PLA2G12B: variants seen among roughly 807,000 people sequenced by gnomAD.
The protein encoded by PLA2G12B is phospholipase A2 group XIIB.
A neutral mutation model predicts 22.3 loss-of-function variants in PLA2G12B; 19 were observed. That is an observed-to-expected ratio of 0.85 (90% CI 0.60 to 1.25). The LOEUF (loss-of-function observed/expected upper bound fraction) is 1.25. Ranked by LOEUF, PLA2G12B falls within the 50% of genes most tolerant of loss-of-function variation. PLA2G12B has a pLI of 0.00. For synonymous variants in PLA2G12B, 81 were observed against 94.9 expected (o/e 0.85, Z 0.85); for missense variants, 191 against 246.6 (o/e 0.77, Z 1.51).
chr10:72,952,277 G>C (rs1236074531), intron 1 of PLA2G12B, among the ~76,000 whole-genome samples: 1 of 152,218 alleles, frequency 6.6e-6, no homozygotes, highest in Non-Finnish European at 1.5e-5. Flanking sequence ...AGGATTGCTT[G>C]AGCCCTGGAG....
rs756795081 is a variant in PLA2G12B, at chr10:72,935,006, C to T, written c.*611G>A. On this transcript the variant is annotated 3_prime_UTR_variant, in exon 4 of 4. Transcript: ENST00000373032. ...CAGAGACCTAATTCCATCTGACCTTCCCCTCCGTTGGCCTTAATCAGGTAA... is the reference window on the plus strand; with the variant it reads ...CAGAGACCTAATTCCATCTGACCTTTCCCTCCGTTGGCCTTAATCAGGTAA... 6.6e-6 allele frequency among the ~76,000 whole-genome samples: 1 copy of T among 152,186 alleles called. No individual in the cohort carries two copies. The highest frequency in any genetic ancestry group is 2.1e-4 in the South Asian group (1 of 4,832).
chr10:72,954,566 C>T lies in PLA2G12B; in HGVS notation c.120G>A (p.Arg40=), dbSNP rs1448221291. The change falls in exon 1 of 4, where the codon CGG becomes CGA. Residue 40 remains arginine, a synonymous_variant. Coordinates refer to ENST00000373032, the MANE Select transcript of PLA2G12B (RefSeq NM_032562.5). ...SYSDWGLRHL[R]GSFESVNSYF... ...AGCTATTGACGGATTCAAAGCTTCC[C>T]CGGAGGTGCCGAAGGCCCCAGTCTG... The T allele has an allele frequency of 1.9e-6, 3 of 1,614,208 alleles. No homozygotes were observed. Among genetic ancestry groups the T allele is most frequent in the Middle Eastern group, 1.6e-4 (1 of 6,062 alleles).
intron 3 of PLA2G12B, among the ~76,000 whole-genome samples, chr10:72,936,939 G>A (rs1402700919): frequency 6.6e-6 from 1 of 152,182 alleles, no homozygotes; most frequent in Non-Finnish European, 1.5e-5. Flanking sequence ...GGTGGCTTAC[G>A]CCTGTAATCC....
intron 1 of PLA2G12B, among the ~76,000 whole-genome samples, chr10:72,943,924 T>G (rs765148541): frequency 6.6e-6 from 1 of 152,230 alleles, no homozygotes; most frequent in Non-Finnish European, 1.5e-5. Flanking sequence ...CTAAGAATAA[T>G]TAATCCTTAG....
chr10:72,940,955 G>A (rs1188614082), intron 3 of PLA2G12B, among the ~76,000 whole-genome samples: 1 of 152,156 alleles, frequency 6.6e-6, no homozygotes, highest in African/African-American at 2.4e-5. Flanking sequence ...ACCTTCAGGA[G>A]TGGTGCCAGC....
In PLA2G12B at chr10:72,943,901, C is replaced by T. The variant is rs553281872; in HGVS notation, c.212-1161G>A. 9.8e-5 allele frequency among the ~76,000 whole-genome samples: 15 copies of T among 152,326 alleles called. 1 individual carries two copies. In the South Asian group the frequency reaches 2.3e-3, roughly 23 times the overall value. ...GGAGATACAAGACCCTAGTGTAAGA[C>T]TGGGGAAATGTGCTAAGAATAATTA... On this transcript the variant is annotated intron_variant, in intron 1 of 3. Transcript: ENST00000373032.
At chr10:72,937,681 G>A (rs1483299144) in intron 3 of PLA2G12B, among the ~76,000 whole-genome samples, 1 of 152,034 alleles carries the variant, frequency 6.6e-6, no homozygotes, top group African/African-American at 2.4e-5. Context: ...ATATAAAAAG[G>A]TTTACATCAT....
At chr10:72,946,926 T>C (rs958425392) in intron 1 of PLA2G12B, among the ~76,000 whole-genome samples, 1 of 152,064 alleles carries the variant, frequency 6.6e-6, no homozygotes, top group South Asian at 2.1e-4. Flanking sequence ...CATCTTCTTT[T>C]TTTTTTTTAA....
In PLA2G12B at chr10:72,954,778, G is replaced by C. The variant is rs1006881986; in HGVS notation, c.-93C>G. The C allele has an allele frequency of 7.7e-7, 1 of 1,297,762 alleles. No individual in the cohort carries two copies. The highest frequency in any genetic ancestry group is 1.5e-5 in the African/African-American group (1 of 67,584). The allele number at this position is 1,297,762 out of a possible 1,614,324, so 80.4% of individuals were successfully genotyped here. A position where few individuals can be genotyped will look rare whatever the true frequency, so the allele number is the denominator to read the frequency against. The stretch of plus-strand genomic sequence containing the variant: ...AACCCCCTACCCAGATGTCAGGCAG[G>C]ACTGGGAAAGGGATTATCTGGAACA... On this transcript the variant is annotated 5_prime_UTR_variant, in exon 1 of 4. Coordinates refer to ENST00000373032, the MANE Select transcript of PLA2G12B (RefSeq NM_032562.5).
Position 72,954,526 on chromosome 10 carries a change from GA to G in PLA2G12B, c.159del (p.Leu54TrpfsTer55). ...FESVNSYFDS[F>X]LELLGGKNGV... is the part of the protein sequence containing the mutation. ...CCATTCTTCCCTCCCAGCAGCTCCA[GA>G]AAAGAATCGAAGTAGCTATTGACGG... is the stretch of plus-strand genomic sequence containing the variant. On this transcript the variant is annotated frameshift_variant, in exon 1 of 4. Transcript: ENST00000373032. LOFTEE classifies it high-confidence loss of function. 1 of 1,614,204 alleles carries G rather than the reference GA, an allele frequency of 6.2e-7. No individual in the cohort carries two copies. Among genetic ancestry groups the G allele is most frequent in the South Asian group, 1.1e-5 (1 of 91,086 alleles).
chr10:72,939,177 A>G (rs1204829378), intron 3 of PLA2G12B, among the ~76,000 whole-genome samples: 1 of 152,168 alleles, frequency 6.6e-6, no homozygotes, highest in Admixed American at 6.5e-5. Flanking sequence ...TGACTGCATA[A>G]CTCTGTGAAC....
At chr10:72,950,037 G>T (rs1846504839) in intron 1 of PLA2G12B, among the ~76,000 whole-genome samples, 2 of 151,530 alleles carry the variant, frequency 1.3e-5, no homozygotes, top group Non-Finnish European at 2.9e-5. Flanking sequence ...CTTCCTCCCA[G>T]AAACACTCAG....
chr10:72,945,693 G>A (rs1277098077), intron 1 of PLA2G12B, among the ~76,000 whole-genome samples: 1 of 151,896 alleles, frequency 6.6e-6, no homozygotes, highest in Non-Finnish European at 1.5e-5. Context: ...TGTTGCCCAG[G>A]CTGGAGTGCA....
intron 1 of PLA2G12B, among the ~76,000 whole-genome samples, chr10:72,951,985 G>A (rs1157528619): frequency 2.6e-5 from 4 of 152,198 alleles, no homozygotes; most frequent in African/African-American, 7.2e-5. Context: ...GTGGGCTGAA[G>A]TTCTCTAAGA....
At chr10:72,954,376 G>A in intron 1 of PLA2G12B, 99 bp downstream of exon 1, 3 of 1,445,946 alleles carry the variant, frequency 2.1e-6, no homozygotes, top group Non-Finnish European at 1.9e-6. Flanking sequence ...AGCTCTAAGT[G>A]GATAACAGGA....
chr10:72,942,217 CAT>C (rs911775340), intron 2 of PLA2G12B, among the ~76,000 whole-genome samples: 3 of 151,036 alleles, frequency 2.0e-5, no homozygotes, highest in South Asian at 2.1e-4. Context: ...GCTCTCCAAA[CAT>C]AGCCAATTTG....
chr10:72,946,005 A>G (rs1249245540), intron 1 of PLA2G12B, among the ~76,000 whole-genome samples: 1 of 152,224 alleles, frequency 6.6e-6, no homozygotes, highest in East Asian at 1.9e-4. Flanking sequence ...TTATTGAGCT[A>G]TAATTCATAT....
Position 72,935,519 on chromosome 10 carries a change from G to A in PLA2G12B, c.*98C>T. On this transcript the variant is annotated 3_prime_UTR_variant, in exon 4 of 4. Coordinates refer to ENST00000373032, the MANE Select transcript of PLA2G12B (RefSeq NM_032562.5). The stretch of plus-strand genomic sequence containing the variant: ...TCTCCTGCTTTGTGGTGTCCAAACT[G>A]TTGGAAGAACGAATGAGTCACGCTG... 6.5e-7 allele frequency: 1 copy of A among 1,526,902 alleles called. No homozygotes were observed. Among genetic ancestry groups the A allele is most frequent in the Non-Finnish European group, 8.9e-7 (1 of 1,125,066 alleles). The allele number at this position is 1,526,902 out of a possible 1,614,324, so 94.6% of individuals were successfully genotyped here.
intron 1 of PLA2G12B, among the ~76,000 whole-genome samples, chr10:72,954,120 C>A (rs538957288): frequency 6.6e-6 from 1 of 152,254 alleles, no homozygotes; most frequent in South Asian, 2.1e-4. Context: ...TTCTTCCCAC[C>A]CCAGGTACCC....
Sources: allele counts gnomAD v4.1 joint callset (sites outside exome capture counted in the v4.1 genomes callset), GRCh38; gene constraint gnomAD v4.1.1; transcripts MANE v1.5; gene names NCBI Gene and HGNC (gene_info 2026-07-23, HGNC 2026-07-21).